The following PLXNA4 variants were observed in gnomAD, a reference collection of about 807,000 sequenced individuals.
The protein encoded by PLXNA4 is plexin A4.
In PLXNA4, 44 loss-of-function variants were observed where a neutral mutation model predicts 191.8. The observed-to-expected ratio is 0.23, with a 90% CI of 0.18 to 0.29. The LOEUF is 0.29. Ranked by LOEUF, PLXNA4 falls within the 10% of genes least tolerant of loss-of-function variation. The pLI is 1.00. For synonymous variants in PLXNA4, 1,082 were observed against 1,009.5 expected, an observed-to-expected ratio of 1.07 and a Z score of -1.36; for missense variants, 1,800 against 2,488.8, an observed-to-expected ratio of 0.72 and a Z score of 5.89.
intron 2 of PLXNA4, among the ~76,000 whole-genome samples, chr7:132,626,059 T>C (rs541393690): frequency 3.5e-4 from 53 of 152,286 alleles, no homozygotes; most frequent in African/African-American, 1.1e-3. Flanking sequence ...CTTACCCTTA[T>C]ACAGAACCCA....
chr7:132,160,358 C>T (rs1795913928), intron 24 of PLXNA4, among the ~76,000 whole-genome samples: 1 of 152,188 alleles, frequency 6.6e-6, no homozygotes, highest in South Asian at 2.1e-4. Flanking sequence ...TTCAGGGCCT[C>T]CATTTCTCCT....
intron 29 of PLXNA4, 131 bp downstream of exon 29, chr7:132,144,988 C>T: frequency 7.4e-7 from 1 of 1,345,794 alleles, no homozygotes; most frequent in Non-Finnish European, 1.0e-6. Flanking sequence ...AATGTGCCTG[C>T]TCAGAGTCCC....
chr7:132,145,936 A>AC (rs1795415827), intron 28 of PLXNA4, among the ~76,000 whole-genome samples: 1 of 150,146 alleles, frequency 6.7e-6, no homozygotes, highest in Non-Finnish European at 1.5e-5. Flanking sequence ...AAAAAAAAAA[A>AC]TTAGCCAGGC....
chr7:132,405,121 A>G (rs1794161127), intron 3 of PLXNA4, among the ~76,000 whole-genome samples: 1 of 152,030 alleles, frequency 6.6e-6, no homozygotes, highest in South Asian at 2.1e-4. Flanking sequence ...TGTGTTGGAC[A>G]CATTCTCTTC....
At chr7:132,328,517 G>A (rs1802464264) in intron 3 of PLXNA4, among the ~76,000 whole-genome samples, 1 of 152,168 alleles carries the variant, frequency 6.6e-6, no homozygotes, top group Admixed American at 6.6e-5. Context: ...TGTTCCAGTG[G>A]AATCAGATGT....
At chr7:132,269,978 C>T (rs1280092534) in intron 4 of PLXNA4, among the ~76,000 whole-genome samples, 1 of 152,064 alleles carries the variant, frequency 6.6e-6, no homozygotes, top group Admixed American at 6.6e-5. Context: ...GAGGGATTGA[C>T]AGGAATAATA....
chr7:132,260,166 C>A (rs1351400957), intron 4 of PLXNA4, among the ~76,000 whole-genome samples: 4 of 151,998 alleles, frequency 2.6e-5, no homozygotes, highest in Non-Finnish European at 5.9e-5. Context: ...AGGTATCAAC[C>A]CAAAGAAAAA....
intron 2 of PLXNA4, among the ~76,000 whole-genome samples, chr7:132,604,428 CT>C (rs1173791306): frequency 7.2e-5 from 11 of 152,186 alleles, no homozygotes; most frequent in Middle Eastern, 3.2e-3. Flanking sequence ...ATCTCTGCCC[CT>C]GGGTTCCATG....
At chr7:132,201,623 G>A (rs527579958) in intron 12 of PLXNA4, among the ~76,000 whole-genome samples, 1 of 152,312 alleles carries the variant, frequency 6.6e-6, no homozygotes, top group East Asian at 1.9e-4. Context: ...CCTACTGTGT[G>A]CTCAGCCCTG....
At chr7:132,264,766 C>T (rs1799785122) in intron 4 of PLXNA4, among the ~76,000 whole-genome samples, 3 of 150,314 alleles carry the variant, frequency 2.0e-5, no homozygotes, top group East Asian at 2.0e-4. Context: ...GGCGCCATCT[C>T]GGCTCACTGC....
intron 2 of PLXNA4, among the ~76,000 whole-genome samples, chr7:132,493,747 G>GTGGA (rs369999925): frequency 0.017 from 2,442 of 146,498 alleles, 19 homozygotes; most frequent in Middle Eastern, 0.028. Context: ...GGGTGGATGG[G>GTGGA]TGGATGGATG....
chr7:132,185,501 T>C (rs1796849577), intron 15 of PLXNA4, 38 bp from the exon 16 acceptor site: 3 of 1,590,188 alleles, frequency 1.9e-6, no homozygotes, highest in South Asian at 2.3e-5. Context: ...GCGCCTGGTG[T>C]TGAGGAGGAC....
intron 3 of PLXNA4, among the ~76,000 whole-genome samples, chr7:132,473,473 T>G (rs756320756): frequency 6.6e-6 from 1 of 152,174 alleles, no homozygotes; most frequent in Non-Finnish European, 1.5e-5. Flanking sequence ...CAGCATCCCA[T>G]GAACCTTTGT....
Position 132,427,571 on chromosome 7 carries a change from G to A in PLXNA4, c.1371+61721C>T, listed in dbSNP as rs1433615146. On this transcript the variant is annotated intron_variant, in intron 3 of 31. Coordinates refer to ENST00000321063, the MANE Select transcript of PLXNA4 (RefSeq NM_020911.2). ...TGAACCTGGGCTAGCTCCTCTAAGC[G>A]AGTAGTACAGCTTTCAGCCTAACAA... Among the ~76,000 whole-genome samples the A allele has an allele frequency of 3.9e-5, 6 of 152,184 alleles. No individual in the cohort carries two copies. The South Asian group carries it at 1.0e-3, about 26-fold the overall frequency.
At chr7:132,467,669 G>A (rs762145897) in intron 3 of PLXNA4, among the ~76,000 whole-genome samples, 5 of 152,314 alleles carry the variant, frequency 3.3e-5, no homozygotes, top group African/African-American at 7.2e-5. Flanking sequence ...ATTAAAAGAC[G>A]TTGAACCTAG....
intron 4 of PLXNA4, among the ~76,000 whole-genome samples, chr7:132,245,105 C>A (rs183471781): frequency 6.6e-6 from 1 of 152,228 alleles, no homozygotes; most frequent in East Asian, 1.9e-4. Flanking sequence ...TAAAACCACC[C>A]CACGCTGATT....
intron 3 of PLXNA4, among the ~76,000 whole-genome samples, chr7:132,345,235 C>T (rs181234020): frequency 5.6e-4 from 85 of 152,320 alleles, no homozygotes; most frequent in African/African-American, 1.6e-3. Flanking sequence ...GCACACACAA[C>T]TGCACAAAGT....
intron 2 of PLXNA4, among the ~76,000 whole-genome samples, chr7:132,601,266 G>C (rs1361512231): frequency 8.5e-6 from 1 of 117,052 alleles, no homozygotes; most frequent in Non-Finnish European, 1.8e-5. Flanking sequence ...TCATATAATT[G>C]AGCCTTCTGA....
At chr7:132,588,205 A>G (rs1802536238) in intron 2 of PLXNA4, among the ~76,000 whole-genome samples, 1 of 152,108 alleles carries the variant, frequency 6.6e-6, no homozygotes, top group Non-Finnish European at 1.5e-5. Flanking sequence ...GAGGCTGGAC[A>G]GGTTTTTGTC....
Sources: allele counts gnomAD v4.1 joint callset (sites outside exome capture counted in the v4.1 genomes callset), GRCh38; gene constraint gnomAD v4.1.1; transcripts MANE v1.5; gene names NCBI Gene and HGNC (gene_info 2026-07-23, HGNC 2026-07-21).